The following CNTN6 variants were observed in gnomAD, a reference collection of about 807,000 sequenced individuals.
The protein encoded by CNTN6 is contactin-6.
A neutral mutation model predicts 122.8 loss-of-function variants in CNTN6; 137 were observed. The ratio of observed to expected loss-of-function variants is 1.12; its 90% confidence interval spans 0.97 to 1.29. The LOEUF (loss-of-function observed/expected upper bound fraction) is 1.29, where lower values mean the gene tolerates loss of function less well. CNTN6 is among the 50% of genes most tolerant of loss of function. CNTN6 has a pLI of 0.00. For missense variants in CNTN6, 1,634 were observed against 1,223.4 expected (o/e 1.34, Z -5.01); for synonymous variants, 570 against 426.0 (o/e 1.34, Z -4.16).
At chr3:1,372,719 C>T (rs185011764) in intron 13 of CNTN6, 119 bp from the exon 14 acceptor site, 2 of 695,118 alleles carry the variant, frequency 2.9e-6, no homozygotes, top group Admixed American at 5.2e-5. Flanking sequence ...GACAATGATA[C>T]TAGTATATCT....
chr3:1,144,363 A>T (rs1559391825), intron 1 of CNTN6, among the ~76,000 whole-genome samples: 2 of 152,000 alleles, frequency 1.3e-5, no homozygotes, highest in East Asian at 1.9e-4. Flanking sequence ...ATCACTGGAC[A>T]TCAGGAGTTC....
intron 11 of CNTN6, among the ~76,000 whole-genome samples, chr3:1,333,677 A>C (rs1187590113): frequency 6.6e-6 from 1 of 152,114 alleles, no homozygotes; most frequent in African/African-American, 2.4e-5. Context: ...AACTACCTAG[A>C]GATGGTTGAG....
At chr3:1,201,384 G>A (rs571853475) in intron 2 of CNTN6, among the ~76,000 whole-genome samples, 4 of 152,152 alleles carry the variant, frequency 2.6e-5, no homozygotes, top group African/African-American at 9.6e-5. Context: ...TCCATGAAAC[G>A]GGAAAATTAG....
intron 8 of CNTN6, among the ~76,000 whole-genome samples, chr3:1,324,521 G>A (rs1701275182): frequency 6.7e-6 from 1 of 149,496 alleles, no homozygotes; most frequent in African/African-American, 2.5e-5. Flanking sequence ...ATTTAAGCAT[G>A]CCCAGTTTGG....
At chr3:1,318,309 T>C (rs1700394822) in intron 7 of CNTN6, among the ~76,000 whole-genome samples, 2 of 109,572 alleles carry the variant, frequency 1.8e-5, no homozygotes, top group South Asian at 3.3e-4. Flanking sequence ...ACAATGGTTC[T>C]ACTACTAATT....
At chr3:1,376,328 T>C (rs1167661348) in intron 16 of CNTN6, among the ~76,000 whole-genome samples, 1 of 152,064 alleles carries the variant, frequency 6.6e-6, no homozygotes, top group Non-Finnish European at 1.5e-5. Flanking sequence ...GGGCATAGTT[T>C]TTTAAAACTC....
intron 7 of CNTN6, among the ~76,000 whole-genome samples, chr3:1,300,415 A>G (rs1019666307): frequency 6.6e-6 from 1 of 151,064 alleles, no homozygotes; most frequent in African/African-American, 2.4e-5. Context: ...GATTGATGAC[A>G]GTATAAGAGA....
chr3:1,354,012 C>T (rs920719297), intron 12 of CNTN6, among the ~76,000 whole-genome samples: 1 of 151,338 alleles, frequency 6.6e-6, no homozygotes, highest in South Asian at 2.1e-4. Flanking sequence ...ATAAGAAAAA[C>T]ACAAGTTAAT....
At position 1,329,946 on chromosome 3, in the gene CNTN6, C is replaced by G. The variant is rs1349781300; in HGVS notation, c.1364+11C>G. 3 of 1,515,332 alleles carry G rather than the reference C, an allele frequency of 2.0e-6. No individual in the cohort carries two copies. The highest frequency in any genetic ancestry group is 1.4e-5 in the African/African-American group (1 of 69,598). The allele number at this position is 1,515,332 out of a possible 1,614,324, so 93.9% of individuals were successfully genotyped here. On this transcript the variant is annotated intron_variant, in intron 11 of 22. Transcript: ENST00000446702. The stretch of plus-strand genomic sequence containing the variant: ...TAGACAAAGCAAAAGGTAAACAAAT[C>G]TTTATTTTTAAAAATATTTTTGTTT...
intron 2 of CNTN6, among the ~76,000 whole-genome samples, chr3:1,156,745 G>A (rs1339460337): frequency 3.7e-5 from 5 of 135,776 alleles, no homozygotes; most frequent in African/African-American, 8.3e-5. Context: ...TTCCAGTCTC[G>A]CTCTGTTGCC....
rs139489318 is a variant in CNTN6 at position 1,323,092 on chromosome 3, C to A, written c.946+1258C>A. On this transcript the variant is annotated intron_variant, in intron 8 of 22. Transcript: ENST00000446702. ...ACAAAGGTATCTGTAAACTGGAAAT[C>A]AATAATAAAGTACCTTTCTGTATAC... 3.5e-4 allele frequency among the ~76,000 whole-genome samples: 53 copies of A among 151,662 alleles called. 1 individual carries two copies. In the East Asian group the frequency reaches 8.8e-3, roughly 25 times the overall value.
intron 19 of CNTN6, among the ~76,000 whole-genome samples, chr3:1,384,760 C>CAT (rs1265155889): frequency 1.5e-4 from 15 of 100,080 alleles, no homozygotes; most frequent in South Asian, 6.2e-4. Flanking sequence ...CATATATATA[C>CAT]ATATATATAC....
intron 7 of CNTN6, among the ~76,000 whole-genome samples, chr3:1,308,287 T>G (rs866231939): frequency 6.9e-6 from 1 of 144,914 alleles, no homozygotes; most frequent in Non-Finnish European, 1.5e-5. Flanking sequence ...ATGGGGTGTT[T>G]TGTGTGTGTG....
At chr3:1,229,619 T>A (rs2094328693) in intron 4 of CNTN6, among the ~76,000 whole-genome samples, 1 of 152,212 alleles carries the variant, frequency 6.6e-6, no homozygotes, top group Non-Finnish European at 1.5e-5. Flanking sequence ...CATTATTATA[T>A]CATACCTTCT....
At chr3:1,340,635 A>G (rs1703749467) in intron 11 of CNTN6, among the ~76,000 whole-genome samples, 1 of 152,168 alleles carries the variant, frequency 6.6e-6, no homozygotes, top group Admixed American at 6.6e-5. Context: ...AAGTTAGCAG[A>G]CAAAGAGTCA....
intron 2 of CNTN6, among the ~76,000 whole-genome samples, chr3:1,201,651 TA>T (rs2093874348): frequency 1.3e-5 from 2 of 152,212 alleles, no homozygotes; most frequent in South Asian, 4.1e-4. Context: ...GCTAAGAAAG[TA>T]ATTCTAAATT....
intron 2 of CNTN6, among the ~76,000 whole-genome samples, chr3:1,193,564 T>C (rs2093732539): frequency 6.6e-6 from 1 of 152,160 alleles, no homozygotes. Context: ...CTGCATATTA[T>C]TTCTCTAGCG....
At chr3:1,102,597 C>CG (rs535376821) in intron 1 of CNTN6, among the ~76,000 whole-genome samples, 8,310 of 147,576 alleles carry the variant, frequency 0.056, 764 homozygotes, top group African/African-American at 0.19. Flanking sequence ...GGCGTGGTGG[C>CG]GGCGCCTGTA....
intron 1 of CNTN6, among the ~76,000 whole-genome samples, chr3:1,137,168 C>A (rs2092497244): frequency 6.6e-6 from 1 of 152,116 alleles, no homozygotes. Context: ...TACACGATGC[C>A]TTCCAAGACT....
Sources: allele counts gnomAD v4.1 joint callset (sites outside exome capture counted in the v4.1 genomes callset), GRCh38; gene constraint gnomAD v4.1.1; transcripts MANE v1.5; gene names NCBI Gene and HGNC (gene_info 2026-07-23, HGNC 2026-07-21).